ADGRL1: variants seen among roughly 807,000 people sequenced by gnomAD.
ADGRL1 encodes the protein adhesion G protein-coupled receptor L1.
ADGRL1 carries 31 observed loss-of-function variants against 148.9 expected under a neutral mutation model. That is an observed-to-expected ratio of 0.21 (90% CI 0.16 to 0.28). ADGRL1 has a LOEUF of 0.28. Among genes scored for constraint, ADGRL1 ranks in the 10% least tolerant of loss-of-function variants. The pLI is 1.00. For synonymous variants in ADGRL1, 937 were observed against 900.3 expected (o/e 1.04, Z -0.73); for missense variants, 1,521 against 2,058.8 (o/e 0.74, Z 5.05).
At chr19:14,173,954 A>AAG (rs1327529344) in intron 3 of ADGRL1, among the ~76,000 whole-genome samples, 15 of 150,556 alleles carry the variant, frequency 1.0e-4, no homozygotes, top group African/African-American at 3.7e-4. Flanking sequence ...AAAAAAAAAA[A>AAG]AAAAAAAAAA....
chr19:14,163,458 AGAGG>A, intron 4 of ADGRL1, 52 bp from the exon 5 acceptor site: 1 of 1,125,082 alleles, frequency 8.9e-7, no homozygotes, highest in Non-Finnish European at 1.2e-6. Flanking sequence ...GGCAGAGGCG[AGAGG>A]GAGGAGAGAG....
rs762009388 is a variant in ADGRL1, at chr19:14,158,503, C to T, written c.2199G>A (p.Leu733=). 6.8e-6 allele frequency: 11 copies of T among 1,613,966 alleles called. No homozygotes were observed. In the Admixed American group the frequency reaches 1.7e-4, roughly 24 times the overall value. ...FILYNNLGLF[L]STENATVKLA... ...GCTTCACTGTGGCATTCTCCGTGGA[C>T]AGGAAGAGGCCCAGGTTGTTGTAGA... The change falls in exon 12 of 23, where the codon CTG becomes CTA. Residue 733 remains leucine (L), a synonymous_variant. Coordinates refer to ENST00000361434, the MANE Select transcript of ADGRL1 (RefSeq NM_014921.5).
In ADGRL1 at chr19:14,150,900, C is replaced by T. The variant is rs1162489500; in HGVS notation, c.4383G>A (p.Gly1461=). The change falls in exon 23 of 23, where the codon GGG becomes GGA. Residue 1461 remains glycine (G), a synonymous_variant. Transcript: ENST00000361434. ...AGAGACTGGTGACCAGCTGCATCTG[C>T]CCGTCCCCATCGGGCCCTGGCCCCT... The part of the protein sequence containing the change: ...GLEGPGPDGD[G]QMQLVTSL The T allele has an allele frequency of 2.5e-6, 4 of 1,612,192 alleles. No individual in the cohort carries two copies. Among genetic ancestry groups the T allele is most frequent in the Non-Finnish European group, 3.4e-6 (4 of 1,179,792 alleles).
chr19:14,187,666 C>G (rs941151965), intron 1 of ADGRL1, among the ~76,000 whole-genome samples: 1 of 151,490 alleles, frequency 6.6e-6, no homozygotes, highest in Non-Finnish European at 1.5e-5. Context: ...CGTGTTACCC[C>G]GCCGCCGCCA....
At chr19:14,192,150 G>C (rs1169771109) in intron 1 of ADGRL1, among the ~76,000 whole-genome samples, 6 of 152,256 alleles carry the variant, frequency 3.9e-5, no homozygotes, top group African/African-American at 1.4e-4. Context: ...GAGGGAGGTG[G>C]GAAGATACAA....
chr19:14,178,379 C>A lies in ADGRL1; in HGVS notation c.71-635G>T, dbSNP rs192020494. Among the ~76,000 whole-genome samples, 139 of 152,210 alleles carry A rather than the reference C, an allele frequency of 9.1e-4. 1 individual carries two copies. The highest frequency in any genetic ancestry group is 6.1e-3 in the Admixed American group (94 of 15,304). On this transcript the variant is annotated intron_variant, in intron 2 of 22. Transcript: ENST00000361434. ...AATTAGCCAGACGTGGTGGCACACA[C>A]CTGTAGTCCCAGCTACTGGGGAGGC...
Position 14,162,005 on chromosome 19 carries a change from G to GC in ADGRL1, c.1196-380dup, listed in dbSNP as rs201587672. On this transcript the variant is annotated intron_variant, in intron 5 of 22. Coordinates refer to ENST00000361434, the MANE Select transcript of ADGRL1 (RefSeq NM_014921.5). The surrounding 1 kb of genome is among the most constrained non-coding windows in gnomAD (Gnocchi z 5.4). ...CACCAGGTGGGGGCTGAATACCACCGCCCCCCATCCTCGTTCTAGCTGACT... is the reference window on the plus strand; with the variant it reads ...CACCAGGTGGGGGCTGAATACCACCGCCCCCCCATCCTCGTTCTAGCTGACT... 7.1e-3 allele frequency among the ~76,000 whole-genome samples: 1,073 copies of GC among 152,138 alleles called. 8 individuals are homozygous for GC. The highest frequency in any genetic ancestry group is 0.012 in the Non-Finnish European group (846 of 67,970).
At position 14,162,214 on chromosome 19, in the gene ADGRL1, C is replaced by G. The variant is rs914299203; in HGVS notation, c.1195+392G>C. 6.6e-6 allele frequency among the ~76,000 whole-genome samples: 1 copy of G among 152,168 alleles called. No homozygotes were observed. The highest frequency in any genetic ancestry group is 2.4e-5 in the African/African-American group (1 of 41,436). Reference sequence around the variant, plus strand: ...AGCCCGGTCAGCATCAGCAGCTCAGCTCTTTTGTGGATACTGGACTTCCAC... The same window carrying G: ...AGCCCGGTCAGCATCAGCAGCTCAGGTCTTTTGTGGATACTGGACTTCCAC... On this transcript the variant is annotated intron_variant, in intron 5 of 22. Transcript: ENST00000361434. The surrounding 1 kb of genome is among the most constrained non-coding windows in gnomAD (Gnocchi z 5.4).
chr19:14,159,758 T>C lies in ADGRL1; in HGVS notation c.1816A>G (p.Arg606Gly). The change falls in exon 9 of 23, where the codon AGA becomes GGA. Residue 606 changes from arginine (R) to glycine (G), a missense_variant. By Grantham distance (125) the Arg-to-Gly change is moderately radical. This residue lies in a region of ADGRL1 where 265 missense variants were observed against 431.9 expected (regional missense o/e 0.61). Coordinates refer to ENST00000361434, the MANE Select transcript of ADGRL1 (RefSeq NM_014921.5). The surrounding 1 kb of genome is among the most constrained non-coding windows in gnomAD (Gnocchi z 6.0). ...KNYNKMHKRE[R>G]TCKDYIKAVV... is the part of the protein sequence containing the mutation. ...ACCTTGATATAATCCTTACAAGTTC[T>C]CTCTCGCTTGTGCATCTAGAAAGAG... 1 of 1,613,986 alleles carries C rather than the reference T, an allele frequency of 6.2e-7. No individual in the cohort carries two copies. Among genetic ancestry groups the C allele is most frequent in the Non-Finnish European group, 8.5e-7 (1 of 1,179,920 alleles).
In ADGRL1 at chr19:14,157,268, C is replaced by T. The variant is rs370012631; in HGVS notation, c.2728G>A (p.Asp910Asn). 2.0e-5 allele frequency: 32 copies of T among 1,613,978 alleles called. No individual in the cohort carries two copies. Among genetic ancestry groups the T allele is most frequent in the Middle Eastern group, 1.6e-4 (1 of 6,084 alleles). ...CAGCCCACCTCATACTGAGTCTTGT[C>T]GATCCCGACCAGGAAGAGCAGCTCA... ...LAELLFLVGIDKTQYEIACPI... is the reference protein window; with the variant it reads ...LAELLFLVGINKTQYEIACPI... Residue 910 changes from aspartate (D) to asparagine (N), a missense_variant, in exon 14 of 23, where the codon GAC becomes AAC. Around this residue, in one of 8 missense-constraint regions of ADGRL1, gnomAD observed 26 missense variants for 75.0 expected, o/e 0.35. Transcript: ENST00000361434. The surrounding 1 kb of genome is among the most constrained non-coding windows in gnomAD (Gnocchi z 7.5).
At chr19:14,175,805 C>T (rs1378858888) in intron 3 of ADGRL1, among the ~76,000 whole-genome samples, 1 of 152,096 alleles carries the variant, frequency 6.6e-6, no homozygotes, top group East Asian at 1.9e-4. Flanking sequence ...AATCCCAGCA[C>T]TTAAGGGGGC....
intron 1 of ADGRL1, among the ~76,000 whole-genome samples, chr19:14,205,502 C>A (rs1242573778): frequency 6.6e-6 from 1 of 152,042 alleles, no homozygotes; most frequent in Non-Finnish European, 1.5e-5. Context: ...CCCGACACGG[C>A]TCCTCTGGGG....
chr19:14,202,497 C>A (rs778573432), intron 1 of ADGRL1, among the ~76,000 whole-genome samples: 1 of 152,128 alleles, frequency 6.6e-6, no homozygotes, highest in Admixed American at 6.5e-5. Flanking sequence ...AGGTGATCCA[C>A]CCGCCTCAGC....
At chr19:14,194,283 G>A (rs1343873338) in intron 1 of ADGRL1, among the ~76,000 whole-genome samples, 4 of 152,200 alleles carry the variant, frequency 2.6e-5, no homozygotes, top group African/African-American at 9.6e-5. Flanking sequence ...TTTGTTGTGG[G>A]AGCCTAGGAA....
chr19:14,162,473 C>T lies in ADGRL1; in HGVS notation c.1195+133G>A. On this transcript the variant is annotated intron_variant, in intron 5 of 22. Transcript: ENST00000361434. The surrounding 1 kb of genome is among the most constrained non-coding windows in gnomAD (Gnocchi z 5.4). ...TGCTTAGAACAGCGTCTGTCACATG[C>T]TGTGAATTTCCTTTACCTCCCGATC... 1.4e-6 allele frequency: 1 copy of T among 722,526 alleles called. No homozygotes were observed. Among genetic ancestry groups the T allele is most frequent in the Non-Finnish European group, 2.3e-6 (1 of 432,110 alleles). 44.8% of individuals were successfully genotyped at this position (722,526 alleles called of 1,614,324 possible). A position where few individuals can be genotyped will look rare whatever the true frequency, so the allele number is the denominator to read the frequency against.
intron 3 of ADGRL1, among the ~76,000 whole-genome samples, chr19:14,173,943 CAAAAAAAAAAAA>C (rs774211423): frequency 3.0e-4 from 10 of 32,972 alleles, no homozygotes; most frequent in South Asian, 2.0e-3. Flanking sequence ...GACTCCGTCT[CAAAAAAAAAAAA>C]AAAAAAAAAA....
In ADGRL1 at chr19:14,183,518, C is replaced by G; in HGVS notation, c.70+15G>C. 6.4e-7 allele frequency: 1 copy of G among 1,562,452 alleles called. No homozygotes were observed. The highest frequency in any genetic ancestry group is 1.9e-5 in the Admixed American group (1 of 52,400). On this transcript the variant is annotated intron_variant, in intron 2 of 22. Transcript: ENST00000361434. ...TTGGGAGCCGCGGCCCCTCCCCGGC[C>G]CCAGCAGCACCTACCTTGGGTGGCC...
At position 14,162,594 on chromosome 19, in the gene ADGRL1, A is replaced by G; in HGVS notation, c.1195+12T>C. 1 of 1,589,890 alleles carries G rather than the reference A, an allele frequency of 6.3e-7. No homozygotes were observed. The highest frequency in any genetic ancestry group is 2.2e-5 in the East Asian group (1 of 44,518). On this transcript the variant is annotated intron_variant, in intron 5 of 22. Coordinates refer to ENST00000361434, the MANE Select transcript of ADGRL1 (RefSeq NM_014921.5). This position sits in a 1 kb window ranked among gnomAD's most constrained non-coding sequence, Gnocchi z 5.4. ...CAAGCAGGCTCCATGCCTGGAAGTG[A>G]GTCGTCCTCACCAGCACTGGGGTCG...
At chr19:14,189,498 G>A (rs1971798645) in intron 1 of ADGRL1, among the ~76,000 whole-genome samples, 1 of 152,276 alleles carries the variant, frequency 6.6e-6, no homozygotes, top group Admixed American at 6.5e-5. Flanking sequence ...GTAAAGTGCT[G>A]GGATTACGGC....
Sources: allele counts gnomAD v4.1 joint callset (sites outside exome capture counted in the v4.1 genomes callset), GRCh38; gene constraint gnomAD v4.1.1; regional missense constraint gnomAD v4.1.1; non-coding constraint Gnocchi (gnomAD v3.1); transcripts MANE v1.5; gene names NCBI Gene and HGNC (gene_info 2026-07-23, HGNC 2026-07-21).